Variants in SLC24A3 observed in about 807,000 individuals in gnomAD.
SLC24A3 encodes the protein sodium/potassium/calcium exchanger 3.
Under a neutral mutation model 75.8 loss-of-function variants are expected in SLC24A3, and 28 were observed. The observed-to-expected ratio is 0.37, with a 90% CI of 0.27 to 0.51. The LOEUF (loss-of-function observed/expected upper bound fraction) is 0.51. Ranked by LOEUF, SLC24A3 falls within the 20% of genes least tolerant of loss-of-function variation. The pLI is 0.94. For synonymous variants in SLC24A3, 372 were observed against 334.1 expected, an observed-to-expected ratio of 1.11 and a Z score of -1.24; for missense variants, 663 against 847.8, an observed-to-expected ratio of 0.78 and a Z score of 2.71.
intron 1 of SLC24A3, chr20:19,261,815 A>G (rs1341506341): frequency 6.6e-6 from 1 of 152,264 alleles, no homozygotes; most frequent in African/African-American, 2.4e-5. Flanking sequence ...TTCTCATGAC[A>G]ATGCTTATAT....
At chr20:19,353,047 C>T (rs1034266208) in intron 2 of SLC24A3, among the ~76,000 whole-genome samples, 3 of 152,190 alleles carry the variant, frequency 2.0e-5, no homozygotes, top group East Asian at 1.9e-4. Context: ...AGTGCACTGT[C>T]GTGCTATACA....
chr20:19,698,430 G>T, intron 14 of SLC24A3, 138 bp from the exon 15 acceptor site: 1 of 581,304 alleles, frequency 1.7e-6, no homozygotes. Flanking sequence ...CCTTTCACAT[G>T]GGTGATGGCC....
chr20:19,479,387 C>G (rs891280786), intron 2 of SLC24A3, among the ~76,000 whole-genome samples: 1 of 152,214 alleles, frequency 6.6e-6, no homozygotes, highest in Non-Finnish European at 1.5e-5. Context: ...GACTGGCTTT[C>G]CTGACATCTC....
At position 19,471,865 on chromosome 20, in the gene SLC24A3, C is replaced by T. The variant is rs923141534; in HGVS notation, c.272-43623C>T. On this transcript the variant is annotated intron_variant, in intron 2 of 16. Transcript: ENST00000328041. ...TGTCTCCCTATATCCAAATTTCAAACGGTTCCTTTAAAAAAGAGCAACATT... is the reference window on the plus strand; with the variant it reads ...TGTCTCCCTATATCCAAATTTCAAATGGTTCCTTTAAAAAAGAGCAACATT... Among the ~76,000 whole-genome samples, 3 of 152,098 alleles carry T rather than the reference C, an allele frequency of 2.0e-5. 1 individual carries two copies. The highest frequency in any genetic ancestry group is 4.4e-5 in the Non-Finnish European group (3 of 68,022).
At chr20:19,697,002 G>A (rs1158444768) in intron 14 of SLC24A3, 91 bp downstream of exon 14, 2 of 354,550 alleles carry the variant, frequency 5.6e-6, no homozygotes, top group South Asian at 2.8e-5. Flanking sequence ...AAGGAAGGCA[G>A]GAGGGAGAAG....
intron 6 of SLC24A3, among the ~76,000 whole-genome samples, chr20:19,621,187 A>T (rs2031799346): frequency 6.6e-6 from 1 of 152,226 alleles, no homozygotes; most frequent in Admixed American, 6.5e-5. Context: ...CTTCCTGATT[A>T]ACATCTCCCC....
intron 2 of SLC24A3, among the ~76,000 whole-genome samples, chr20:19,482,749 C>T (rs1988076184): frequency 6.6e-6 from 1 of 152,218 alleles, no homozygotes; most frequent in Non-Finnish European, 1.5e-5. Context: ...ATATTCTGGA[C>T]AGTGAGAACC....
At chr20:19,218,892 A>G (rs1377167353) in intron 1 of SLC24A3, among the ~76,000 whole-genome samples, 1 of 152,096 alleles carries the variant, frequency 6.6e-6, no homozygotes, top group Non-Finnish European at 1.5e-5. Context: ...GACTTTCATA[A>G]TGGGGAAACT....
intron 2 of SLC24A3, among the ~76,000 whole-genome samples, chr20:19,335,143 C>T (rs1042272360): frequency 2.6e-4 from 39 of 152,114 alleles, no homozygotes; most frequent in South Asian, 6.3e-4. Flanking sequence ...TAGCTACATA[C>T]GGTTATTGGC....
In SLC24A3 at chr20:19,325,608, T is replaced by C. The variant is rs569289504; in HGVS notation, c.271+44521T>C. ...GGAGAGGAGGCAGCTACCAGGGCCCTAGGATGTCCAGGTTGAGTGTTCCTT... is the reference window on the plus strand; with the variant it reads ...GGAGAGGAGGCAGCTACCAGGGCCCCAGGATGTCCAGGTTGAGTGTTCCTT... On this transcript the variant is annotated intron_variant, in intron 2 of 16. Transcript: ENST00000328041. 9.2e-5 allele frequency among the ~76,000 whole-genome samples: 14 copies of C among 151,702 alleles called. No individual in the cohort carries two copies. The South Asian group carries it at 1.9e-3, about 20-fold the overall frequency.
intron 6 of SLC24A3, among the ~76,000 whole-genome samples, chr20:19,615,932 T>G (rs1470013549): frequency 6.6e-6 from 1 of 152,168 alleles, no homozygotes; most frequent in East Asian, 1.9e-4. Flanking sequence ...GCTTCTCTCT[T>G]CCCCAGCTTG....
intron 2 of SLC24A3, among the ~76,000 whole-genome samples, chr20:19,345,433 C>G (rs1371543188): frequency 6.6e-6 from 1 of 152,026 alleles, no homozygotes; most frequent in Non-Finnish European, 1.5e-5. Context: ...GCAAAAGGCC[C>G]AGAATAACCA....
At chr20:19,468,231 A>T (rs770334188) in intron 2 of SLC24A3, among the ~76,000 whole-genome samples, 5 of 152,088 alleles carry the variant, frequency 3.3e-5, no homozygotes, top group African/African-American at 4.8e-5. Context: ...CAAGATAGGG[A>T]TCTGTTTGTA....
intron 2 of SLC24A3, among the ~76,000 whole-genome samples, chr20:19,506,583 A>G (rs1475851957): frequency 6.6e-6 from 1 of 152,190 alleles, no homozygotes; most frequent in Non-Finnish European, 1.5e-5. Flanking sequence ...GCCTCAGCTT[A>G]CCCATCTGTA....
intron 6 of SLC24A3, among the ~76,000 whole-genome samples, chr20:19,604,758 T>C (rs932832224): frequency 6.6e-6 from 1 of 152,184 alleles, no homozygotes. Flanking sequence ...TACTGCAGGC[T>C]CTGAGGAATT....
intron 2 of SLC24A3, among the ~76,000 whole-genome samples, chr20:19,413,233 A>C (rs1986775318): frequency 6.6e-6 from 1 of 152,246 alleles, no homozygotes; most frequent in Non-Finnish European, 1.5e-5. Flanking sequence ...CCATTTTCTG[A>C]AAACAGAAAG....
At chr20:19,382,030 G>A (rs1986191650) in intron 2 of SLC24A3, among the ~76,000 whole-genome samples, 1 of 152,216 alleles carries the variant, frequency 6.6e-6, no homozygotes, top group African/African-American at 2.4e-5. Flanking sequence ...GACAGATGAT[G>A]TTCTCTGCCA....
At chr20:19,409,286 T>C (rs1986703679) in intron 2 of SLC24A3, among the ~76,000 whole-genome samples, 1 of 152,088 alleles carries the variant, frequency 6.6e-6, no homozygotes, top group Non-Finnish European at 1.5e-5. Flanking sequence ...CCTCTGTGCA[T>C]GGGCGAGGGG....
intron 3 of SLC24A3, among the ~76,000 whole-genome samples, chr20:19,559,566 A>T (rs959985018): frequency 1.1e-4 from 16 of 151,948 alleles, no homozygotes. Context: ...TCATTGTGTA[A>T]CCCAAGGTCA....
Sources: allele counts gnomAD v4.1 joint callset (sites outside exome capture counted in the v4.1 genomes callset), GRCh38; gene constraint gnomAD v4.1.1; transcripts MANE v1.5; gene names NCBI Gene and HGNC (gene_info 2026-07-23, HGNC 2026-07-21).